Variants in EPHA6 observed in about 807,000 individuals in gnomAD.
EPHA6 encodes the protein EPH receptor A6.
A neutral mutation model predicts 112.0 loss-of-function variants in EPHA6; 50 were observed. That is an observed-to-expected ratio of 0.45 (90% CI 0.36 to 0.56). The LOEUF is 0.56. EPHA6 is among the 20% of genes least tolerant of loss of function. The pLI, the probability that EPHA6 is intolerant of heterozygous loss-of-function variation, is 0.00. For synonymous variants in EPHA6, 529 were observed against 490.7 expected (o/e 1.08, Z -1.03); for missense variants, 1,280 against 1,417.4 (o/e 0.90, Z 1.56).
intron 8 of EPHA6, among the ~76,000 whole-genome samples, chr3:97,478,019 T>C (rs2091426418): frequency 6.6e-6 from 1 of 152,116 alleles, no homozygotes. Context: ...TATTATACTT[T>C]AAGTTCTAGG....
chr3:97,668,911 CAAAAAA>C (rs397990599), intron 14 of EPHA6, among the ~76,000 whole-genome samples: 25 of 31,902 alleles, frequency 7.8e-4, no homozygotes, highest in African/African-American at 1.2e-3. Context: ...GACTCTGTCT[CAAAAAA>C]AAAAAAAAAA....
At chr3:97,475,117 CT>C (rs34247658) in intron 7 of EPHA6, among the ~76,000 whole-genome samples, 3 of 148,408 alleles carry the variant, frequency 2.0e-5, no homozygotes, top group African/African-American at 7.7e-5. Flanking sequence ...CTTTATTGAT[CT>C]TTTTTGAAGA....
At chr3:97,518,759 C>T (rs1322196353) in intron 10 of EPHA6, among the ~76,000 whole-genome samples, 1 of 152,032 alleles carries the variant, frequency 6.6e-6, no homozygotes, top group Non-Finnish European at 1.5e-5. Flanking sequence ...TTTCTGATAG[C>T]TGTTGGCCAT....
intron 5 of EPHA6, among the ~76,000 whole-genome samples, chr3:97,261,453 C>T (rs1483271515): frequency 6.6e-6 from 1 of 152,260 alleles, no homozygotes; most frequent in East Asian, 1.9e-4. Context: ...GGCAGATGTG[C>T]TAAAATGAAC....
In EPHA6 at chr3:97,231,340, G is replaced by C. The variant is rs141241041; in HGVS notation, c.1270+4921G>C. On this transcript the variant is annotated intron_variant, in intron 4 of 17. Transcript: ENST00000389672. ...TTGTTTGGCAAAGACTCAGCTTCATGCTGAATTCACTGTCTTTTAAAGCCA... is the reference window on the plus strand; with the variant it reads ...TTGTTTGGCAAAGACTCAGCTTCATCCTGAATTCACTGTCTTTTAAAGCCA... Among the ~76,000 whole-genome samples the C allele has an allele frequency of 2.0e-3, 303 of 152,258 alleles. 2 individuals carry two copies. The highest frequency in any genetic ancestry group is 0.014 in the Admixed American group (210 of 15,286).
At chr3:97,340,550 T>C (rs2083256633) in intron 5 of EPHA6, among the ~76,000 whole-genome samples, 1 of 152,176 alleles carries the variant, frequency 6.6e-6, no homozygotes, top group Non-Finnish European at 1.5e-5. Context: ...GAGAAAGGGA[T>C]AGTGGGTGTT....
chr3:96,969,004 A>G (rs2042224299), intron 2 of EPHA6, among the ~76,000 whole-genome samples: 1 of 151,938 alleles, frequency 6.6e-6, no homozygotes, highest in Non-Finnish European at 1.5e-5. Flanking sequence ...AATCTAAATT[A>G]CACTCTGGGT....
chr3:97,476,004 A>C (rs923784315), intron 8 of EPHA6, among the ~76,000 whole-genome samples: 10 of 152,094 alleles, frequency 6.6e-5, no homozygotes, highest in African/African-American at 2.4e-4. Context: ...CAAGTGCTTC[A>C]CCCATCAGAA....
intron 3 of EPHA6, among the ~76,000 whole-genome samples, chr3:97,126,469 A>G (rs765568587): frequency 6.6e-6 from 1 of 152,208 alleles, no homozygotes; most frequent in Non-Finnish European, 1.5e-5. Flanking sequence ...TATTCTTGGC[A>G]TTTAGCACAA....
At chr3:97,385,997 C>A (rs867232292) in intron 5 of EPHA6, among the ~76,000 whole-genome samples, 1 of 152,106 alleles carries the variant, frequency 6.6e-6, no homozygotes, top group Admixed American at 6.6e-5. Context: ...GACAGAGAGG[C>A]AAATCACGTC....
chr3:97,268,239 A>T (rs1316536748), intron 5 of EPHA6, among the ~76,000 whole-genome samples: 1 of 152,180 alleles, frequency 6.6e-6, no homozygotes, highest in Admixed American at 6.5e-5. Flanking sequence ...CTAATGAAGC[A>T]AACTTCTGCT....
At chr3:96,936,201 C>T (rs576991964) in intron 2 of EPHA6, among the ~76,000 whole-genome samples, 16 of 152,068 alleles carry the variant, frequency 1.1e-4, no homozygotes, top group South Asian at 1.0e-3. Flanking sequence ...TATGGCAATA[C>T]GTCATTTTAG....
intron 10 of EPHA6, among the ~76,000 whole-genome samples, chr3:97,508,563 T>G (rs1176121713): frequency 6.6e-6 from 1 of 152,012 alleles, no homozygotes; most frequent in African/African-American, 2.4e-5. Context: ...TGCTGAGGAG[T>G]GTTTTACTTC....
At chr3:97,264,922 G>A (rs2079622877) in intron 5 of EPHA6, among the ~76,000 whole-genome samples, 1 of 152,192 alleles carries the variant, frequency 6.6e-6, no homozygotes. Context: ...CCCAAAGAGT[G>A]TTCAGGTCTC....
chr3:96,946,451 T>C (rs1307709322), intron 2 of EPHA6, among the ~76,000 whole-genome samples: 1 of 152,130 alleles, frequency 6.6e-6, no homozygotes, highest in Non-Finnish European at 1.5e-5. Flanking sequence ...TGTGATAGTT[T>C]GCTGAGAATG....
chr3:97,228,988 T>C (rs1022299443), intron 4 of EPHA6, among the ~76,000 whole-genome samples: 2 of 152,230 alleles, frequency 1.3e-5, no homozygotes. Flanking sequence ...TGAGCATTTT[T>C]TCATATGTCT....
chr3:97,132,426 C>G (rs1032510485), intron 3 of EPHA6, among the ~76,000 whole-genome samples: 5 of 152,006 alleles, frequency 3.3e-5, no homozygotes, highest in African/African-American at 4.8e-5. Flanking sequence ...TAAAATCATT[C>G]ATTCAACTTA....
chr3:97,483,209 G>C (rs2091605577), intron 9 of EPHA6, among the ~76,000 whole-genome samples: 1 of 152,164 alleles, frequency 6.6e-6, no homozygotes, highest in African/African-American at 2.4e-5. Context: ...ATGTTTTCTA[G>C]CCATCCTTTC....
intron 2 of EPHA6, among the ~76,000 whole-genome samples, chr3:96,978,496 A>G (rs939824364): frequency 1.3e-5 from 2 of 152,182 alleles, no homozygotes; most frequent in South Asian, 2.1e-4. Flanking sequence ...TTTTAGATCT[A>G]TATCAATCTT....
Sources: gnomAD v4.1 joint callset for allele counts (sites outside exome capture counted in the v4.1 genomes callset) on GRCh38, gnomAD v4.1.1 for gene constraint, MANE v1.5 for transcripts, NCBI Gene and HGNC (gene_info 2026-07-23, HGNC 2026-07-21) for gene names.